The following THSD7A variants were observed in gnomAD, a reference collection of about 807,000 sequenced individuals.
The protein encoded by THSD7A is thrombospondin type 1 domain containing 7A, also known as thrombospondin type-1 domain-containing protein 7A.
A neutral mutation model predicts 231.3 loss-of-function variants in THSD7A; 96 were observed. The ratio of observed to expected loss-of-function variants is 0.41; its 90% CI spans 0.35 to 0.49. The LOEUF is 0.49. THSD7A is among the 20% of genes least tolerant of loss of function. THSD7A has a pLI of 0.05. For synonymous variants in THSD7A, 940 were observed against 743.3 expected (o/e 1.26, Z -4.30); for missense variants, 2,290 against 2,070.2 (o/e 1.11, Z -2.06).
chr7:11,575,102 A>G (rs917483191), intron 4 of THSD7A, among the ~76,000 whole-genome samples: 2 of 152,220 alleles, frequency 1.3e-5, no homozygotes, highest in African/African-American at 4.8e-5. Flanking sequence ...AAGTAAATAA[A>G]TGTAAAACAC....
intron 2 of THSD7A, among the ~76,000 whole-genome samples, chr7:11,602,691 C>A (rs1336920273): frequency 6.6e-6 from 1 of 151,746 alleles, no homozygotes; most frequent in East Asian, 2.0e-4. Context: ...CGGTCTGATT[C>A]CAGGCTGTTA....
chr7:11,375,787 TTA>T lies in THSD7A; in HGVS notation c.*5_*6del, dbSNP rs753743325. On this transcript the variant is annotated 3_prime_UTR_variant, in exon 28 of 28. Coordinates refer to ENST00000423059, the MANE Select transcript of THSD7A (RefSeq NM_015204.3). ...CGAAACTGGTTGTTGCCAGGAAAAG[TTA>T]TATGTTACATGTCGGCATCTCCATC... is the stretch of plus-strand genomic sequence containing the variant. The T allele has an allele frequency of 9.9e-6, 16 of 1,611,296 alleles. No homozygotes were observed. In the East Asian group the frequency reaches 3.3e-4, roughly 34 times the overall value.
chr7:11,398,021 C>A (rs925492942), intron 23 of THSD7A, among the ~76,000 whole-genome samples: 2 of 152,074 alleles, frequency 1.3e-5, no homozygotes, highest in African/African-American at 2.4e-5. Flanking sequence ...TTGGACCCAG[C>A]AATCCCATTA....
intron 11 of THSD7A, among the ~76,000 whole-genome samples, chr7:11,457,381 T>C (rs1785341740): frequency 6.6e-6 from 1 of 152,108 alleles, no homozygotes; most frequent in African/African-American, 2.4e-5. Flanking sequence ...AAGAGTCATA[T>C]GATCAACTTT....
intron 4 of THSD7A, among the ~76,000 whole-genome samples, chr7:11,544,072 G>C (rs901892389): frequency 4.6e-5 from 7 of 152,066 alleles, no homozygotes; most frequent in Non-Finnish European, 8.8e-5. Context: ...GGCCAGGCAC[G>C]GTGGTTCATG....
At chr7:11,759,159 A>T (rs1399109751) in intron 1 of THSD7A, among the ~76,000 whole-genome samples, 2 of 151,646 alleles carry the variant, frequency 1.3e-5, no homozygotes, top group Non-Finnish European at 2.9e-5. Context: ...GAAAGTCAGT[A>T]AAAAAAACAC....
intron 23 of THSD7A, among the ~76,000 whole-genome samples, chr7:11,400,269 C>G (rs149844608): frequency 4.6e-5 from 7 of 151,780 alleles, no homozygotes; most frequent in Non-Finnish European, 1.0e-4. Context: ...ATGTAACAAA[C>G]CTGCATGTTG....
At chr7:11,716,727 G>C (rs1164757626) in intron 1 of THSD7A, among the ~76,000 whole-genome samples, 1 of 151,320 alleles carries the variant, frequency 6.6e-6, no homozygotes, top group Non-Finnish European at 1.5e-5. Context: ...CTCTATACTG[G>C]TTCCTGTTCC....
intron 2 of THSD7A, among the ~76,000 whole-genome samples, chr7:11,619,275 C>A (rs550410695): frequency 6.6e-6 from 1 of 151,780 alleles, no homozygotes. Context: ...TAACTATGAT[C>A]TTTGTCTTTA....
At chr7:11,628,238 C>T (rs1781536117) in intron 2 of THSD7A, among the ~76,000 whole-genome samples, 1 of 152,170 alleles carries the variant, frequency 6.6e-6, no homozygotes, top group Non-Finnish European at 1.5e-5. Context: ...CCTCCAAGAT[C>T]TTTATAGGTT....
rs200276754 is a variant in THSD7A, at chr7:11,636,655, T to C, written c.497A>G (p.Asp166Gly). The change falls in exon 2 of 28, where the codon GAC becomes GGC. Residue 166 changes from aspartate to glycine, a missense_variant. Transcript: ENST00000423059. The surrounding 1 kb of genome is among the most constrained non-coding windows in gnomAD (Gnocchi z 10.0). ...ACAGATGATATCCTCCGCAGGAATG[T>C]CTTTGTCTTTCTGGATGCACGCTAT... The part of the protein sequence containing the change: ...REIACIQKDK[D>G]IPAEDIICEY... The C allele has an allele frequency of 3.2e-4, 518 of 1,613,960 alleles. 3 individuals are homozygous for C. The highest frequency in any genetic ancestry group is 2.4e-4 in the South Asian group (22 of 91,074).
Position 11,406,511 on chromosome 7 carries a change from G to T in THSD7A, c.4063-37C>A. 6.4e-7 allele frequency: 1 copy of T among 1,556,054 alleles called. No individual in the cohort carries two copies. Among genetic ancestry groups the T allele is most frequent in the Non-Finnish European group, 8.7e-7 (1 of 1,149,952 alleles). On this transcript the variant is annotated intron_variant, in intron 21 of 27. Transcript: ENST00000423059. The surrounding 1 kb of genome is among the most constrained non-coding windows in gnomAD (Gnocchi z 4.7). ...GAAGAAATAACTAATTAGAAAAAGA[G>T]AAATACTTCATTAGAGAGCTCATCA... is the stretch of plus-strand genomic sequence containing the variant.
intron 4 of THSD7A, among the ~76,000 whole-genome samples, chr7:11,587,760 C>A (rs762603013): frequency 5.3e-5 from 8 of 152,122 alleles, no homozygotes. Flanking sequence ...ATGCTTCCTG[C>A]CTTTATGCTA....
At chr7:11,532,472 G>C (rs900349484) in intron 6 of THSD7A, among the ~76,000 whole-genome samples, 1 of 152,258 alleles carries the variant, frequency 6.6e-6, no homozygotes, top group East Asian at 1.9e-4. Context: ...TGTTAGTGAA[G>C]GATAGAGACA....
At chr7:11,741,151 A>T (rs1238173085) in intron 1 of THSD7A, among the ~76,000 whole-genome samples, 1 of 151,916 alleles carries the variant, frequency 6.6e-6, no homozygotes, top group Non-Finnish European at 1.5e-5. Flanking sequence ...ATAATTACAC[A>T]TTGTATCCTA....
chr7:11,601,707 C>T (rs1562760628), intron 2 of THSD7A, among the ~76,000 whole-genome samples: 2 of 152,160 alleles, frequency 1.3e-5, no homozygotes, highest in Non-Finnish European at 1.5e-5. Context: ...TCCTTCTAAG[C>T]AGACTGATGA....
intron 4 of THSD7A, among the ~76,000 whole-genome samples, chr7:11,565,296 G>A (rs181979193): frequency 1.1e-3 from 167 of 152,256 alleles, no homozygotes; most frequent in Admixed American, 9.5e-3. Context: ...AAGAATTTGA[G>A]TATCTAATCA....
chr7:11,763,471 T>C (rs1360195562), intron 1 of THSD7A, among the ~76,000 whole-genome samples: 2 of 152,202 alleles, frequency 1.3e-5, no homozygotes, highest in African/African-American at 4.8e-5. Flanking sequence ...TATGCATATA[T>C]ATCCATGTAC....
chr7:11,623,430 T>G (rs532913041), intron 2 of THSD7A, among the ~76,000 whole-genome samples: 2 of 152,190 alleles, frequency 1.3e-5, no homozygotes, highest in South Asian at 4.2e-4. Flanking sequence ...CTAATCCATA[T>G]TATTCCTTGA....
Sources: gnomAD v4.1 joint callset for allele counts (sites outside exome capture counted in the v4.1 genomes callset) on GRCh38, gnomAD v4.1.1 for gene constraint, Gnocchi (gnomAD v3.1) non-coding constraint, MANE v1.5 for transcripts, NCBI Gene and HGNC (gene_info 2026-07-23, HGNC 2026-07-21) for gene names.